PKD1L1: variants seen among roughly 807,000 people sequenced by gnomAD.
The protein encoded by PKD1L1 is polycystin-1-like protein 1.
In PKD1L1, 236 loss-of-function variants were observed where a neutral mutation model predicts 323.4. That is an observed-to-expected ratio of 0.73 (90% CI 0.66 to 0.81). The LOEUF is 0.81. Among genes scored for constraint, PKD1L1 ranks in the 40% least tolerant of loss-of-function variants. The pLI, the probability that PKD1L1 is intolerant of heterozygous loss-of-function variation, is 0.00. For synonymous variants in PKD1L1, 1,344 were observed against 1,335.0 expected, an observed-to-expected ratio of 1.01 and a Z score of -0.15; for missense variants, 3,320 against 3,508.0, an observed-to-expected ratio of 0.95 and a Z score of 1.35.
chr7:47,950,760 A>C (rs1788193116), upstream of PKD1L1, among the ~76,000 whole-genome samples: 1 of 152,058 alleles, frequency 6.6e-6, no homozygotes, highest in Non-Finnish European at 1.5e-5. Flanking sequence ...GCCATATTTC[A>C]AGGGCTCAGT....
intron 33 of PKD1L1, among the ~76,000 whole-genome samples, chr7:47,843,743 A>G (rs1785609574): frequency 6.6e-6 from 1 of 152,292 alleles, no homozygotes; most frequent in East Asian, 1.9e-4. Flanking sequence ...ACAGTTCCGT[A>G]GAATGACATT....
the PKD1L1 span, among the ~76,000 whole-genome samples, chr7:47,958,751 CAAAT>C: frequency 1.3e-5 from 2 of 152,146 alleles, no homozygotes; most frequent in Non-Finnish European, 2.9e-5. Context: ...AGTAAGAAAA[CAAAT>C]AACCCTGTTT....
chr7:47,922,845 A>T (rs1290879359), intron 7 of PKD1L1, among the ~76,000 whole-genome samples: 1 of 152,266 alleles, frequency 6.6e-6, no homozygotes, highest in Admixed American at 6.5e-5. Flanking sequence ...TGTACGCAAC[A>T]GCTCATTGAG....
At chr7:47,960,597 A>G in the PKD1L1 span, among the ~76,000 whole-genome samples, 1 of 151,370 alleles carries the variant, frequency 6.6e-6, no homozygotes, top group Middle Eastern at 3.4e-3. Context: ...CTTTAACTAG[A>G]GTGTGTGACG....
At chr7:47,833,328 G>T (rs1309082825) in intron 40 of PKD1L1, 76 bp from the exon 41 acceptor site, 3 of 1,491,742 alleles carry the variant, frequency 2.0e-6, no homozygotes, top group African/African-American at 2.8e-5. Flanking sequence ...CAGTGGTGTG[G>T]CTTGCCGCCT....
intron 3 of PKD1L1, among the ~76,000 whole-genome samples, chr7:47,939,796 C>T (rs1787945763): frequency 6.6e-6 from 1 of 151,692 alleles, no homozygotes; most frequent in Admixed American, 6.5e-5. Flanking sequence ...CACCCACTCC[C>T]CACCCCGGGG....
At chr7:47,828,303 G>C (rs1334290880) in intron 44 of PKD1L1, among the ~76,000 whole-genome samples, 2 of 152,108 alleles carry the variant, frequency 1.3e-5, no homozygotes, top group Non-Finnish European at 2.9e-5. Context: ...CACCTCTGAG[G>C]TTGGGATGAT....
intron 23 of PKD1L1, among the ~76,000 whole-genome samples, chr7:47,875,450 A>T (rs1786382818): frequency 6.6e-6 from 1 of 152,246 alleles, no homozygotes; most frequent in Admixed American, 6.5e-5. Context: ...AGAATCTTCC[A>T]GGCATTTAAA....
chr7:47,816,419 C>G (rs893619928), intron 46 of PKD1L1, among the ~76,000 whole-genome samples: 1 of 152,202 alleles, frequency 6.6e-6, no homozygotes, highest in East Asian at 1.9e-4. Context: ...TGCATGGCAG[C>G]AGCAGGGTGT....
intron 51 of PKD1L1, 126 bp from the exon 52 acceptor site, chr7:47,808,513 T>G (rs1163223468): frequency 8.6e-7 from 1 of 1,158,446 alleles, no homozygotes; most frequent in African/African-American, 1.5e-5. Context: ...TTCTGAGAAA[T>G]GCATCGCTGG....
intron 7 of PKD1L1, among the ~76,000 whole-genome samples, chr7:47,926,185 T>A (rs983568850): frequency 6.6e-6 from 1 of 152,256 alleles, no homozygotes; most frequent in African/African-American, 2.4e-5. Flanking sequence ...CTCTTCTCTC[T>A]GAAGGCTGCT....
intron 49 of PKD1L1, 127 bp downstream of exon 49, chr7:47,812,994 T>C: frequency 8.9e-7 from 1 of 1,121,602 alleles, no homozygotes; most frequent in Non-Finnish European, 1.3e-6. Flanking sequence ...CCCCTGGCAG[T>C]GGTGCGCTGA....
the PKD1L1 span, among the ~76,000 whole-genome samples, chr7:47,959,878 G>A: frequency 2.0e-5 from 3 of 151,414 alleles, no homozygotes; most frequent in Admixed American, 2.0e-4. Context: ...GTACCCAACA[G>A]CTCATTGAGA....
At chr7:47,787,562 AGT>A (rs1786836883) in intron 56 of PKD1L1, among the ~76,000 whole-genome samples, 1 of 152,196 alleles carries the variant, frequency 6.6e-6, no homozygotes, top group African/African-American at 2.4e-5. Context: ...GACTCACAAT[AGT>A]GTGTGTTGTG....
chr7:47,958,544 A>G, the PKD1L1 span, among the ~76,000 whole-genome samples: 2 of 152,208 alleles, frequency 1.3e-5, no homozygotes, highest in Admixed American at 1.3e-4. Flanking sequence ...AAGTTTATGA[A>G]CAAGACTTCA....
intron 55 of PKD1L1, chr7:47,795,268 T>C (rs1457850177): frequency 1.2e-5 from 5 of 434,328 alleles, no homozygotes; most frequent in African/African-American, 6.1e-5. Context: ...AATTGAATCA[T>C]AGGGGCTGGT....
intron 24 of PKD1L1, among the ~76,000 whole-genome samples, chr7:47,869,334 A>G (rs1786231869): frequency 6.6e-6 from 1 of 152,212 alleles, no homozygotes; most frequent in Admixed American, 6.5e-5. Flanking sequence ...AAGACTATAC[A>G]CAAAACCAAG....
intron 45 of PKD1L1, among the ~76,000 whole-genome samples, chr7:47,823,281 G>C (rs1484108667): frequency 6.6e-6 from 1 of 151,828 alleles, no homozygotes; most frequent in Non-Finnish European, 1.5e-5. Flanking sequence ...CTTTTTTTTG[G>C]ATGAATTAAT....
In PKD1L1 at chr7:47,807,466, A is replaced by G. The variant is rs372145280; in HGVS notation, c.7827+781T>C. Among the ~76,000 whole-genome samples the G allele has an allele frequency of 6.5e-4, 99 of 152,244 alleles. 1 individual carries two copies. Among genetic ancestry groups the G allele is most frequent in the African/African-American group, 2.1e-3 (87 of 41,564 alleles). On this transcript the variant is annotated intron_variant, in intron 52 of 56. Transcript: ENST00000289672. ...ACTGGCCCTTGTTCTCTAGGTTGCT[A>G]TAGGACTCACCCAGCCCTGGGGGTG...
Sources: gnomAD v4.1 joint callset for allele counts (sites outside exome capture counted in the v4.1 genomes callset) on GRCh38, gnomAD v4.1.1 for gene constraint, MANE v1.5 for transcripts, NCBI Gene and HGNC (gene_info 2026-07-23, HGNC 2026-07-21) for gene names.